ACYP2: variants seen among roughly 807,000 people sequenced by gnomAD.
The protein encoded by ACYP2 is acylphosphatase-2.
A neutral mutation model predicts 11.2 loss-of-function variants in ACYP2; 12 were observed. The observed-to-expected ratio is 1.08, with a 90% CI of 0.69 to 1.74. ACYP2 has a LOEUF of 1.74. ACYP2 is among the 40% of genes most tolerant of loss of function. The probability of loss-of-function intolerance (pLI) is 0.00; values close to 1 mark genes in which losing one functional copy is unlikely to be tolerated. For missense variants in ACYP2, 134 were observed against 101.9 expected (o/e 1.31, Z -1.35); for synonymous variants, 43 against 32.2 (o/e 1.33, Z -1.13).
intron 6 of ACYP2, among the ~76,000 whole-genome samples, chr2:54,226,341 G>C (rs1023755921): frequency 6.6e-6 from 1 of 152,150 alleles, no homozygotes; most frequent in East Asian, 1.9e-4. Flanking sequence ...TGTGCATTTC[G>C]AGGCTGCAGT....
At chr2:53,994,599 C>T (rs1307747717) in intron 2 of ACYP2, among the ~76,000 whole-genome samples, 3 of 151,258 alleles carry the variant, frequency 2.0e-5, no homozygotes, top group African/African-American at 4.9e-5. Context: ...GAAATTATAT[C>T]GTGGAAATGC....
intron 6 of ACYP2, among the ~76,000 whole-genome samples, chr2:54,194,565 T>C (rs1684377073): frequency 6.6e-6 from 1 of 152,098 alleles, no homozygotes; most frequent in Non-Finnish European, 1.5e-5. Context: ...TATATAATAA[T>C]ATATTATATG....
intron 4 of ACYP2, among the ~76,000 whole-genome samples, chr2:54,116,854 G>A (rs191177351): frequency 5.1e-4 from 77 of 152,202 alleles, no homozygotes; most frequent in African/African-American, 1.6e-3. Flanking sequence ...AGCTAATTCC[G>A]ACTGGCTATT....
At chr2:54,248,478 C>G (rs1384190200) in intron 6 of ACYP2, among the ~76,000 whole-genome samples, 2 of 151,920 alleles carry the variant, frequency 1.3e-5, no homozygotes, top group African/African-American at 4.8e-5. Flanking sequence ...AAAAGATAGC[C>G]CCCTACTCTG....
chr2:54,238,991 G>A (rs1236604701), intron 6 of ACYP2, among the ~76,000 whole-genome samples: 2 of 151,356 alleles, frequency 1.3e-5, no homozygotes, highest in Non-Finnish European at 2.9e-5. Flanking sequence ...ATTTTTTATG[G>A]GCAAAAATCC....
intron 6 of ACYP2, among the ~76,000 whole-genome samples, chr2:54,276,560 C>A (rs1056066947): frequency 6.6e-6 from 1 of 151,102 alleles, no homozygotes; most frequent in Admixed American, 6.6e-5. Context: ...ATTGTAATGA[C>A]TTTGACTTTG....
At chr2:54,206,818 C>T (rs1360356642) in intron 6 of ACYP2, among the ~76,000 whole-genome samples, 1 of 152,194 alleles carries the variant, frequency 6.6e-6, no homozygotes, top group Non-Finnish European at 1.5e-5. Flanking sequence ...ATAGAGGGAA[C>T]TTTCGTGGGT....
chr2:53,994,329 C>CAAAAAAAAAAAAAAAAAA (rs374302355), intron 2 of ACYP2, among the ~76,000 whole-genome samples: 1 of 42,892 alleles, frequency 2.3e-5, no homozygotes, highest in African/African-American at 9.3e-5. Context: ...GACTCCGTCT[C>CAAAAAAAAAAAAAAAAAA]AAAAAAAAAA....
At chr2:54,071,467 T>C (rs1426516338) in intron 4 of ACYP2, among the ~76,000 whole-genome samples, 2 of 152,044 alleles carry the variant, frequency 1.3e-5, no homozygotes, top group South Asian at 2.1e-4. Flanking sequence ...TGTTTTTCTT[T>C]TCTGTCTTTT....
intron 6 of ACYP2, among the ~76,000 whole-genome samples, chr2:54,244,241 A>G (rs1261888455): frequency 6.6e-6 from 1 of 151,994 alleles, no homozygotes; most frequent in Non-Finnish European, 1.5e-5. Context: ...TCACTCTGTC[A>G]CCCAGGCTGG....
Position 54,235,418 on chromosome 2 carries a change from G to A in ACYP2, c.405-69270G>A, listed in dbSNP as rs903071137. 2.0e-5 allele frequency among the ~76,000 whole-genome samples: 3 copies of A among 152,052 alleles called. No individual in the cohort carries two copies. The East Asian group carries it at 5.8e-4, about 29-fold the overall frequency. Reference sequence around the variant, plus strand: ...GGCTGGAGTCCAGTGGCGCAATCTCGGCTCACTGCAAGCTCCGCCTCCCGG... The same window carrying A: ...GGCTGGAGTCCAGTGGCGCAATCTCAGCTCACTGCAAGCTCCGCCTCCCGG... On this transcript the variant is annotated intron_variant, in intron 6 of 6. Coordinates refer to ENST00000607452, the MANE Select transcript of ACYP2 (RefSeq NM_001320586.2).
At chr2:54,030,120 G>A (rs553021603) in intron 2 of ACYP2, among the ~76,000 whole-genome samples, 56 of 152,224 alleles carry the variant, frequency 3.7e-4, no homozygotes, top group African/African-American at 1.3e-3. Flanking sequence ...TTAGAAGGTC[G>A]GAGGCAAAAA....
intron 6 of ACYP2, among the ~76,000 whole-genome samples, chr2:54,251,306 G>C (rs1042263561): frequency 1.3e-5 from 2 of 152,074 alleles, no homozygotes; most frequent in Non-Finnish European, 2.9e-5. Flanking sequence ...AAGATGTGCA[G>C]CATACTTTTA....
chr2:54,118,968 C>G (rs1168750310), intron 4 of ACYP2, among the ~76,000 whole-genome samples: 1 of 143,496 alleles, frequency 7.0e-6, no homozygotes, highest in Non-Finnish European at 1.5e-5. Context: ...TCTCATTTAA[C>G]AGATGGAGAC....
chr2:54,073,866 A>G (rs1186885536), intron 4 of ACYP2, among the ~76,000 whole-genome samples: 1 of 152,238 alleles, frequency 6.6e-6, no homozygotes, highest in Non-Finnish European at 1.5e-5. Context: ...GGCTAAAATG[A>G]AAATGATGGA....
chr2:54,246,045 T>C (rs146276471), intron 6 of ACYP2, among the ~76,000 whole-genome samples: 29 of 152,254 alleles, frequency 1.9e-4, no homozygotes, highest in East Asian at 7.7e-4. Flanking sequence ...GAGTGAGAGA[T>C]GGAGGTCTAG....
intron 6 of ACYP2, among the ~76,000 whole-genome samples, chr2:54,304,371 G>A (rs867351913): frequency 6.6e-6 from 1 of 151,998 alleles, no homozygotes; most frequent in Non-Finnish European, 1.5e-5. Context: ...TATTTTGATC[G>A]TTTTGAGTAT....
rs75871117 is a variant in ACYP2, at chr2:54,020,507, A to G, written c.63-30451A>G. ...ATTGGAAGGCTATAAAGTTAGTGCA[A>G]TTATCCTGTCATTACCTAAAAAAAG... On this transcript the variant is annotated intron_variant, in intron 2 of 6. Transcript: ENST00000607452. Among the ~76,000 whole-genome samples the G allele has an allele frequency of 4.3e-3, 648 of 152,338 alleles. 7 individuals carry two copies. Among genetic ancestry groups the G allele is most frequent in the African/African-American group, 0.015 (633 of 41,576 alleles).
In ACYP2 at chr2:54,261,014, C is replaced by T. The variant is rs539760485; in HGVS notation, c.405-43674C>T. 4.6e-5 allele frequency among the ~76,000 whole-genome samples: 7 copies of T among 152,096 alleles called. No individual in the cohort carries two copies. The East Asian group carries it at 9.6e-4, about 21-fold the overall frequency. On this transcript the variant is annotated intron_variant, in intron 6 of 6. Transcript: ENST00000607452. ...GCCAAGGTATATCACCACTACCTTTCGATAAAATCAGTTAGTGGGAAGGCA... is the reference window on the plus strand; with the variant it reads ...GCCAAGGTATATCACCACTACCTTTTGATAAAATCAGTTAGTGGGAAGGCA...
Sources: allele counts gnomAD v4.1 joint callset (sites outside exome capture counted in the v4.1 genomes callset), GRCh38; gene constraint gnomAD v4.1.1; transcripts MANE v1.5; gene names NCBI Gene and HGNC (gene_info 2026-07-23, HGNC 2026-07-21).